SNX29: variants seen among roughly 807,000 people sequenced by gnomAD.
SNX29 encodes the protein sorting nexin 29, also known as sorting nexin-29.
In SNX29, 78 loss-of-function variants were observed where a neutral mutation model predicts 102.1. The observed-to-expected ratio is 0.76, with a 90% CI of 0.64 to 0.92. SNX29 has a LOEUF of 0.92. Ranked by LOEUF, SNX29 falls within the 40% of genes least tolerant of loss-of-function variation. The pLI is 0.00. For missense variants in SNX29, 1,280 were observed against 1,061.7 expected, an observed-to-expected ratio of 1.21 and a Z score of -2.86; for synonymous variants, 580 against 414.5, an observed-to-expected ratio of 1.40 and a Z score of -4.85.
intron 14 of SNX29, among the ~76,000 whole-genome samples, chr16:12,218,112 A>G (rs1211191953): frequency 1.3e-5 from 2 of 152,258 alleles, no homozygotes; most frequent in African/African-American, 4.8e-5. Context: ...TTGTTTGGAT[A>G]TATTACAGAG....
intron 14 of SNX29, among the ~76,000 whole-genome samples, chr16:12,246,939 A>C (rs777470848): frequency 1.3e-5 from 2 of 152,160 alleles, no homozygotes; most frequent in Non-Finnish European, 2.9e-5. Context: ...GATATGGGGA[A>C]GGCCAGAGGC....
chr16:12,558,018 G>T (rs1469191942), intron 20 of SNX29, among the ~76,000 whole-genome samples: 1 of 152,122 alleles, frequency 6.6e-6, no homozygotes, highest in Non-Finnish European at 1.5e-5. Flanking sequence ...GCTGCAGTGG[G>T]GAGAGCACTG....
At chr16:12,079,051 G>A in intron 11 of SNX29, 136 bp downstream of exon 11, 1 of 739,844 alleles carries the variant, frequency 1.4e-6, no homozygotes, top group South Asian at 1.9e-5. Context: ...TAGACTGGAG[G>A]TGTGGTACGT....
intron 13 of SNX29, among the ~76,000 whole-genome samples, chr16:12,153,363 T>C (rs1324249723): frequency 1.3e-5 from 2 of 152,084 alleles, no homozygotes; most frequent in Non-Finnish European, 2.9e-5. Flanking sequence ...TGGTACCCAC[T>C]CTGGATCTCT....
In SNX29 at chr16:12,572,908, G is replaced by C. The variant is rs778425739; in HGVS notation, c.*4279G>C. The stretch of plus-strand genomic sequence containing the variant: ...GCCTTGGCATTTCGCTCGGAATCAC[G>C]GCAGACTTGGAGTGTTTCTTCAAGG... On this transcript the variant is annotated 3_prime_UTR_variant, in exon 21 of 21. Transcript: ENST00000566228. 2 of 1,010,718 alleles carry C rather than the reference G, an allele frequency of 2.0e-6. No individual in the cohort carries two copies. The highest frequency in any genetic ancestry group is 5.4e-5 in the Admixed American group (1 of 18,552). The allele number at this position is 1,010,718 out of a possible 1,614,324, so 62.6% of individuals were successfully genotyped here. A position where few individuals can be genotyped will look rare whatever the true frequency, so the allele number is the denominator to read the frequency against.
intron 20 of SNX29, among the ~76,000 whole-genome samples, chr16:12,558,537 CCA>C (rs2078517525): frequency 6.6e-6 from 1 of 152,234 alleles, no homozygotes; most frequent in Non-Finnish European, 1.5e-5. Context: ...TGCACACACC[CCA>C]CAGTGCCATG....
chr16:12,297,280 C>T (rs975778161), intron 15 of SNX29: 2 of 152,368 alleles, frequency 1.3e-5, no homozygotes, highest in African/African-American at 4.8e-5. Context: ...CCTTGAATCT[C>T]ACCTGCTGCC....
chr16:12,063,908 C>T (rs751823010), intron 9 of SNX29, among the ~76,000 whole-genome samples: 1 of 152,008 alleles, frequency 6.6e-6, no homozygotes, highest in Non-Finnish European at 1.5e-5. Flanking sequence ...GGGTTGGTGA[C>T]CTTGCTGATG....
intron 16 of SNX29, chr16:12,372,874 A>C (rs374488577): frequency 1.3e-5 from 2 of 152,182 alleles, no homozygotes; most frequent in East Asian, 3.9e-4. Context: ...AGTTCTTGAA[A>C]GTGGGAGTGT....
chr16:12,078,239 C>G (rs1437041163), intron 10 of SNX29, among the ~76,000 whole-genome samples: 1 of 152,048 alleles, frequency 6.6e-6, no homozygotes, highest in Admixed American at 6.6e-5. Context: ...CTTTGGGAGG[C>G]TGAGGCAGGT....
intron 20 of SNX29, among the ~76,000 whole-genome samples, chr16:12,539,552 A>G (rs945823709): frequency 3.3e-5 from 5 of 152,242 alleles, no homozygotes; most frequent in African/African-American, 1.2e-4. Context: ...GAAACATTCA[A>G]GTGCAGCTTT....
chr16:12,461,591 T>C (rs1308150144), intron 18 of SNX29, among the ~76,000 whole-genome samples: 1 of 152,138 alleles, frequency 6.6e-6, no homozygotes, highest in Non-Finnish European at 1.5e-5. Context: ...GCAATTCTGC[T>C]TCGGGTTGGA....
chr16:12,268,370 G>C (rs913551984), intron 14 of SNX29, among the ~76,000 whole-genome samples: 5 of 152,204 alleles, frequency 3.3e-5, no homozygotes, highest in African/African-American at 1.2e-4. Context: ...TACTTGCCCA[G>C]AGTCACCCCT....
At chr16:12,388,995 G>A (rs1017036142) in intron 16 of SNX29, among the ~76,000 whole-genome samples, 7 of 152,110 alleles carry the variant, frequency 4.6e-5, no homozygotes, top group South Asian at 4.1e-4. Flanking sequence ...CAGACCTGCC[G>A]CTTAAACATC....
At chr16:12,476,017 C>T (rs973920138) in intron 18 of SNX29, among the ~76,000 whole-genome samples, 1 of 152,008 alleles carries the variant, frequency 6.6e-6, no homozygotes, top group Admixed American at 6.6e-5. Context: ...AGGTATGGGC[C>T]AGTCAAGATA....
intron 15 of SNX29, among the ~76,000 whole-genome samples, chr16:12,313,032 T>A (rs1033233622): frequency 3.3e-5 from 5 of 151,320 alleles, no homozygotes; most frequent in African/African-American, 1.2e-4. Flanking sequence ...TTTTTTTTTT[T>A]TAGACGGAGT....
chr16:12,561,877 C>T (rs555208969), intron 20 of SNX29, among the ~76,000 whole-genome samples: 3 of 152,164 alleles, frequency 2.0e-5, no homozygotes, highest in African/African-American at 4.8e-5. Flanking sequence ...TGGGCTGTCT[C>T]CTAGGTGACC....
At chr16:12,445,076 C>G (rs1284434535) in intron 18 of SNX29, among the ~76,000 whole-genome samples, 1 of 152,112 alleles carries the variant, frequency 6.6e-6, no homozygotes, top group Non-Finnish European at 1.5e-5. Flanking sequence ...ATCTTGAACT[C>G]CTGACCTGAA....
chr16:12,445,751 C>G (rs148027298), intron 18 of SNX29, among the ~76,000 whole-genome samples: 3 of 152,340 alleles, frequency 2.0e-5, no homozygotes, highest in Non-Finnish European at 2.9e-5. Context: ...GGCTGACACT[C>G]AGCATGGCGT....
Sources: allele counts gnomAD v4.1 joint callset (sites outside exome capture counted in the v4.1 genomes callset), GRCh38; gene constraint gnomAD v4.1.1; transcripts MANE v1.5; gene names NCBI Gene and HGNC (gene_info 2026-07-23, HGNC 2026-07-21).